SULT1B1: variants seen among roughly 807,000 people sequenced by gnomAD.
SULT1B1 encodes the protein sulfotransferase family 1B member 1, also known as sulfotransferase 1B1.
In SULT1B1, 28 loss-of-function variants were observed where a neutral mutation model predicts 34.6. That is an observed-to-expected ratio of 0.81 (90% CI 0.60 to 1.11). SULT1B1 has a LOEUF of 1.11. SULT1B1 is among the 50% of genes least tolerant of loss of function. The probability of loss-of-function intolerance (pLI) is 0.00; values close to 1 mark genes in which losing one functional copy is unlikely to be tolerated. For missense variants in SULT1B1, 374 were observed against 352.2 expected (o/e 1.06, Z -0.50); for synonymous variants, 147 against 110.2 (o/e 1.33, Z -2.09).
At chr4:69,751,220 CTCGTTAT>C (rs558932973) in intron 3 of SULT1B1, among the ~76,000 whole-genome samples, 62 of 152,296 alleles carry the variant, frequency 4.1e-4, no homozygotes, top group South Asian at 8.3e-4. Context: ...TCCTCCACAA[CTCGTTAT>C]TACTTAATGT....
chr4:69,749,404 A>C (rs180829011), intron 4 of SULT1B1, among the ~76,000 whole-genome samples: 55 of 152,260 alleles, frequency 3.6e-4, no homozygotes, highest in African/African-American at 1.3e-3. Context: ...ATTATACCAA[A>C]TCTTCAAATA....
chr4:69,738,170 A>G (rs1391205888), intron 4 of SULT1B1, among the ~76,000 whole-genome samples: 2 of 152,168 alleles, frequency 1.3e-5, no homozygotes, highest in African/African-American at 4.8e-5. Context: ...AGCTGCATCC[A>G]TGTTGCTGCA....
intron 4 of SULT1B1, among the ~76,000 whole-genome samples, chr4:69,747,140 C>T (rs766135457): frequency 6.6e-5 from 10 of 152,178 alleles, no homozygotes; most frequent in Non-Finnish European, 1.5e-4. Flanking sequence ...AAAAGTGCTT[C>T]AGCGGAGCAT....
intron 4 of SULT1B1, among the ~76,000 whole-genome samples, chr4:69,736,373 G>T (rs1021289652): frequency 3.9e-5 from 6 of 152,188 alleles, no homozygotes; most frequent in African/African-American, 1.4e-4. Context: ...AAGACTAAGG[G>T]ACTGCTTGTG....
chr4:69,748,120 G>T (rs1381447948), intron 4 of SULT1B1, among the ~76,000 whole-genome samples: 1 of 152,080 alleles, frequency 6.6e-6, no homozygotes, highest in Non-Finnish European at 1.5e-5. Context: ...GAACTTAGCT[G>T]TATGCTGTTC....
At chr4:69,743,275 G>C (rs1033285320) in intron 4 of SULT1B1, among the ~76,000 whole-genome samples, 2 of 152,108 alleles carry the variant, frequency 1.3e-5, no homozygotes, top group African/African-American at 4.8e-5. Flanking sequence ...TGGTAGTCAG[G>C]GTTTCTGGAT....
Position 69,741,040 on chromosome 4 carries a change from A to G in SULT1B1, c.376-6776T>C, listed in dbSNP as rs1366990582. 2.0e-5 allele frequency among the ~76,000 whole-genome samples: 3 copies of G among 152,144 alleles called. No individual in the cohort carries two copies. In the East Asian group the frequency reaches 5.8e-4, roughly 29 times the overall value. ...TTTTGGTAATACATTCAAGTCTTTA[A>G]TCAATCTTCAGTTAATTTTTTGTAT... On this transcript the variant is annotated intron_variant, in intron 4 of 7. Transcript: ENST00000310613.
intron 4 of SULT1B1, among the ~76,000 whole-genome samples, chr4:69,738,920 C>T (rs1024768343): frequency 6.6e-6 from 1 of 152,146 alleles, no homozygotes; most frequent in African/African-American, 2.4e-5. Context: ...CTAGAGGCTC[C>T]ATTCAAGACA....
chr4:69,741,731 G>A (rs1404901127), intron 4 of SULT1B1, among the ~76,000 whole-genome samples: 1 of 152,072 alleles, frequency 6.6e-6, no homozygotes, highest in Admixed American at 6.5e-5. Flanking sequence ...ACACTGATTT[G>A]GTATCCTGAA....
chr4:69,741,274 G>A (rs1718540165), intron 4 of SULT1B1, among the ~76,000 whole-genome samples: 1 of 152,216 alleles, frequency 6.6e-6, no homozygotes, highest in East Asian at 1.9e-4. Flanking sequence ...GTACCATGCT[G>A]TGTTGGTTAC....
At chr4:69,743,231 G>A (rs1167649103) in intron 4 of SULT1B1, among the ~76,000 whole-genome samples, 5 of 152,200 alleles carry the variant, frequency 3.3e-5, no homozygotes, top group Non-Finnish European at 7.3e-5. Flanking sequence ...AACAAATAGA[G>A]GGTGAGCAAG....
In SULT1B1 at chr4:69,738,985, C is replaced by A. The variant is rs532884099; in HGVS notation, c.376-4721G>T. On this transcript the variant is annotated intron_variant, in intron 4 of 7. Coordinates refer to ENST00000310613, the MANE Select transcript of SULT1B1 (RefSeq NM_014465.4). ...AGTTCCAAAATGATCTCCTTTGACTCCATGGCTCACATCCAGATTAGGCTG... is the reference window on the plus strand; with the variant it reads ...AGTTCCAAAATGATCTCCTTTGACTACATGGCTCACATCCAGATTAGGCTG... Among the ~76,000 whole-genome samples, 49 of 152,318 alleles carry A rather than the reference C, an allele frequency of 3.2e-4. 1 individual carries two copies. The highest frequency in any genetic ancestry group is 1.8e-3 in the Admixed American group (28 of 15,296).
In SULT1B1 at chr4:69,730,485, C is replaced by A. The variant is rs1183862900; in HGVS notation, c.778+16G>T. On this transcript the variant is annotated intron_variant, in intron 7 of 7. Coordinates refer to ENST00000310613, the MANE Select transcript of SULT1B1 (RefSeq NM_014465.4). ...AGAAAGTACGAAAGGGAAATTAAAC[C>A]CAGCAAAGTATTTACCTTTACGCAT... 6.3e-7 allele frequency: 1 copy of A among 1,579,576 alleles called. No homozygotes were observed. The highest frequency in any genetic ancestry group is 2.3e-5 in the East Asian group (1 of 43,996).
At chr4:69,759,327 A>G (rs1278341366) in intron 1 of SULT1B1, among the ~76,000 whole-genome samples, 1 of 152,224 alleles carries the variant, frequency 6.6e-6, no homozygotes, top group Non-Finnish European at 1.5e-5. Flanking sequence ...CCCAACCCAG[A>G]GTCAAAAATG....
chr4:69,756,021 T>G (rs2110032790), intron 1 of SULT1B1, among the ~76,000 whole-genome samples: 2 of 152,248 alleles, frequency 1.3e-5, no homozygotes, highest in Middle Eastern at 6.8e-3. Flanking sequence ...TATTGCTATG[T>G]CTTTGTAATT....
chr4:69,737,610 T>G (rs886696731), intron 4 of SULT1B1, among the ~76,000 whole-genome samples: 1 of 152,164 alleles, frequency 6.6e-6, no homozygotes, highest in Non-Finnish European at 1.5e-5. Context: ...GTATTTACAC[T>G]TCACTTAAAG....
chr4:69,730,636 T>A lies in SULT1B1; in HGVS notation c.643A>T (p.Asn215Tyr). 3.7e-6 allele frequency: 6 copies of A among 1,613,114 alleles called. No individual in the cohort carries two copies. The highest frequency in any genetic ancestry group is 5.1e-6 in the Non-Finnish European group (6 of 1,179,690). Reference sequence around the variant, plus strand: ...CTATCCAAGATCTCATCATTCAGGTTCTTCTCTAGAAATCTAATGATCTTC... The same window carrying A: ...CTATCCAAGATCTCATCATTCAGGTACTTCTCTAGAAATCTAATGATCTTC... ...IKKIIRFLEK[N>Y]LNDEILDRII... is the part of the protein sequence containing the mutation. The change falls in exon 7 of 8, where the codon AAC (asparagine) becomes TAC (tyrosine). Residue 215 changes from asparagine to tyrosine, a missense_variant. Coordinates refer to ENST00000310613, the MANE Select transcript of SULT1B1 (RefSeq NM_014465.4).
At chr4:69,728,054 T>C (rs1313795769) in intron 7 of SULT1B1, among the ~76,000 whole-genome samples, 4 of 152,018 alleles carry the variant, frequency 2.6e-5, no homozygotes, top group Non-Finnish European at 1.5e-5. Flanking sequence ...TTTCCCTAGT[T>C]GTTACATTTT....
intron 4 of SULT1B1, among the ~76,000 whole-genome samples, chr4:69,737,250 A>G (rs561869100): frequency 2.0e-5 from 3 of 152,310 alleles, no homozygotes; most frequent in South Asian, 4.1e-4. Context: ...TGTATCCAGT[A>G]AAACTGTTCT....
Sources: gnomAD v4.1 joint callset for allele counts (sites outside exome capture counted in the v4.1 genomes callset) on GRCh38, gnomAD v4.1.1 for gene constraint, MANE v1.5 for transcripts, NCBI Gene and HGNC (gene_info 2026-07-23, HGNC 2026-07-21) for gene names.